The following LY86 variants were observed in gnomAD, a reference collection of about 807,000 sequenced individuals.
LY86 encodes the protein lymphocyte antigen 86, also known as MD-1, RP105-associated.
LY86 carries 20 observed loss-of-function variants against 17.3 expected under a neutral mutation model. The ratio of observed to expected loss-of-function variants is 1.15; its 90% CI spans 0.81 to 1.68. The LOEUF is 1.68. LY86 is among the 40% of genes most tolerant of loss of function. The probability of loss-of-function intolerance (pLI) is 0.00; values close to 1 mark genes in which losing one functional copy is unlikely to be tolerated. For missense variants in LY86, 200 were observed against 191.9 expected, an observed-to-expected ratio of 1.04 and a Z score of -0.25; for synonymous variants, 74 against 70.6, an observed-to-expected ratio of 1.05 and a Z score of -0.24.
intron 1 of LY86, among the ~76,000 whole-genome samples, chr6:6,605,432 G>A (rs148096033): frequency 6.6e-6 from 1 of 152,316 alleles, no homozygotes; most frequent in African/African-American, 2.4e-5. Context: ...CCAAAGATCC[G>A]CTTTCATGCC....
chr6:6,612,564 C>A (rs902392283), intron 1 of LY86, among the ~76,000 whole-genome samples: 1 of 152,072 alleles, frequency 6.6e-6, no homozygotes, highest in African/African-American at 2.4e-5. Context: ...CCAGTTGTCA[C>A]TAGTGGAGCC....
chr6:6,600,483 C>CA (rs1468461997), intron 1 of LY86, among the ~76,000 whole-genome samples: 6 of 150,500 alleles, frequency 4.0e-5, no homozygotes, highest in Non-Finnish European at 7.4e-5. Flanking sequence ...CACAGCTACT[C>CA]AGAGGCTGAG....
intron 3 of LY86, among the ~76,000 whole-genome samples, chr6:6,636,739 TC>T (rs1378485251): frequency 6.6e-6 from 1 of 152,164 alleles, no homozygotes; most frequent in Non-Finnish European, 1.5e-5. Context: ...TTCATTCCTT[TC>T]TTCCTTTCAT....
At chr6:6,602,898 AG>A (rs1192844518) in intron 1 of LY86, among the ~76,000 whole-genome samples, 1 of 152,204 alleles carries the variant, frequency 6.6e-6, no homozygotes, top group Non-Finnish European at 1.5e-5. Flanking sequence ...GAAATCTTTG[AG>A]GAAAATTAAT....
chr6:6,603,532 TAGC>T (rs1186881455), intron 1 of LY86, among the ~76,000 whole-genome samples: 1 of 140,890 alleles, frequency 7.1e-6, no homozygotes, highest in Non-Finnish European at 1.5e-5. Flanking sequence ...ATAAAAAAAA[TAGC>T]AACAACAACA....
At chr6:6,605,649 T>C (rs1158809794) in intron 1 of LY86, among the ~76,000 whole-genome samples, 2 of 152,266 alleles carry the variant, frequency 1.3e-5, no homozygotes, top group Admixed American at 6.5e-5. Context: ...TTCGCTATGT[T>C]CTACTGTGTC....
intron 1 of LY86, among the ~76,000 whole-genome samples, chr6:6,605,808 C>CA (rs1761108601): frequency 6.6e-6 from 1 of 152,038 alleles, no homozygotes; most frequent in Non-Finnish European, 1.5e-5. Context: ...TGGTGGGGTT[C>CA]GTGGTCTCGC....
intron 3 of LY86, among the ~76,000 whole-genome samples, chr6:6,639,841 G>T (rs900023715): frequency 8.5e-5 from 13 of 152,296 alleles, no homozygotes; most frequent in Admixed American, 7.2e-4. Context: ...CAACCCCCAA[G>T]TGGAAAACCA....
intron 4 of LY86, among the ~76,000 whole-genome samples, chr6:6,653,415 C>T (rs1283638755): frequency 1.3e-5 from 2 of 152,234 alleles, no homozygotes; most frequent in East Asian, 3.8e-4. Flanking sequence ...GCTTGCGACC[C>T]TCCAACCACC....
At chr6:6,604,110 G>A (rs911614370) in intron 1 of LY86, among the ~76,000 whole-genome samples, 1 of 152,068 alleles carries the variant, frequency 6.6e-6, no homozygotes, top group African/African-American at 2.4e-5. Context: ...GAGGCATATA[G>A]GCAGAAGGAA....
intron 1 of LY86, among the ~76,000 whole-genome samples, chr6:6,622,967 C>T (rs887178931): frequency 6.6e-6 from 1 of 152,268 alleles, no homozygotes; most frequent in African/African-American, 2.4e-5. Context: ...TTGACTCTGA[C>T]ACTTTCTAGT....
chr6:6,644,214 A>C (rs983519161), intron 3 of LY86, among the ~76,000 whole-genome samples: 2 of 152,222 alleles, frequency 1.3e-5, no homozygotes, highest in East Asian at 3.9e-4. Context: ...TATTGAGAAC[A>C]AAAAGAGGCA....
At chr6:6,611,973 A>G (rs9405950) in intron 1 of LY86, among the ~76,000 whole-genome samples, 6,971 of 111,772 alleles carry the variant, frequency 0.062, 216 homozygotes, top group South Asian at 0.17. Context: ...ACTTGAAAGG[A>G]TATCTACCCC....
At chr6:6,639,444 T>G (rs977144704) in intron 3 of LY86, among the ~76,000 whole-genome samples, 1 of 152,232 alleles carries the variant, frequency 6.6e-6, no homozygotes, top group African/African-American at 2.4e-5. Context: ...ACGTAGCCAT[T>G]GACAACACCA....
At chr6:6,605,469 A>G (rs1047764193) in intron 1 of LY86, among the ~76,000 whole-genome samples, 1 of 152,244 alleles carries the variant, frequency 6.6e-6, no homozygotes, top group Non-Finnish European at 1.5e-5. Flanking sequence ...ACTGGAGTTC[A>G]AGTCTTCAAT....
intron 1 of LY86, among the ~76,000 whole-genome samples, chr6:6,603,634 C>CAAA (rs1302585438): frequency 7.9e-5 from 6 of 76,414 alleles, no homozygotes; most frequent in Admixed American, 3.7e-4. Flanking sequence ...AAAAACAAAA[C>CAAA]ACACACACAC....
chr6:6,641,974 T>A (rs1277955859), intron 3 of LY86, among the ~76,000 whole-genome samples: 2 of 152,180 alleles, frequency 1.3e-5, no homozygotes, highest in Non-Finnish European at 2.9e-5. Flanking sequence ...CTTCTCAGGG[T>A]CAGGAGGCTT....
intron 1 of LY86, among the ~76,000 whole-genome samples, chr6:6,605,766 C>T (rs1761105046): frequency 6.6e-6 from 1 of 152,214 alleles, no homozygotes; most frequent in African/African-American, 2.4e-5. Context: ...CTTATTCTTT[C>T]TGATGCTGGG....
rs186161064 is a variant in LY86, at chr6:6,619,077, A to G, written c.137-5849A>G. On this transcript the variant is annotated intron_variant, in intron 1 of 4. Transcript: ENST00000230568. ...ATGCATCATCCTCCTGTAAAGGTCT[A>G]CGGTGACCCTTGAACGTCATCCTAT... 1.2e-4 allele frequency among the ~76,000 whole-genome samples: 19 copies of G among 152,326 alleles called. No homozygotes were observed. The East Asian group carries it at 2.3e-3, about 19-fold the overall frequency.
Sources: allele counts gnomAD v4.1 joint callset (sites outside exome capture counted in the v4.1 genomes callset), GRCh38; gene constraint gnomAD v4.1.1; transcripts MANE v1.5; gene names NCBI Gene and HGNC (gene_info 2026-07-23, HGNC 2026-07-21).